MGAM2: variants seen among roughly 807,000 people sequenced by gnomAD.
MGAM2 encodes probable maltase-glucoamylase 2.
Under a neutral mutation model 96.1 loss-of-function variants are expected in MGAM2, and 98 were observed. The observed-to-expected ratio is 1.02, with a 90% CI of 0.87 to 1.21. The LOEUF is 1.21. MGAM2 is among the 50% of genes most tolerant of loss of function. The pLI is 0.00. For synonymous variants in MGAM2, 749 were observed against 414.8 expected, an observed-to-expected ratio of 1.81 and a Z score of -9.79; for missense variants, 2,055 against 1,182.4, an observed-to-expected ratio of 1.74 and a Z score of -10.82.
At position 142,171,986 on chromosome 7, in the gene MGAM2, G is replaced by A. The variant is rs191465093; in HGVS notation, c.3352-112G>A. On this transcript the variant is annotated intron_variant, in intron 28 of 47. Transcript: ENST00000477922. Reference sequence around the variant, plus strand: ...GAGAGTCAATGAAGGCCCAACAAAGGACATGACATTGAGCTGAATCTTTAA... The same window carrying A: ...GAGAGTCAATGAAGGCCCAACAAAGAACATGACATTGAGCTGAATCTTTAA... 2.1e-4 allele frequency: 99 copies of A among 463,804 alleles called. No individual in the cohort carries two copies. In the East Asian group the frequency reaches 3.2e-3, roughly 15 times the overall value. The allele number at this position is 463,804 out of a possible 1,614,324, so 28.7% of individuals were successfully genotyped here.
intron 34 of MGAM2, 140 bp from the exon 35 acceptor site, chr7:142,185,849 T>C (rs1796677651): frequency 1.9e-6 from 1 of 536,840 alleles, no homozygotes; most frequent in East Asian, 2.8e-5. Flanking sequence ...TCTGCTTCTG[T>C]TGTAAACTCT....
chr7:142,121,753 T>C (rs1271275345), intron 3 of MGAM2, among the ~76,000 whole-genome samples: 1 of 151,378 alleles, frequency 6.6e-6, no homozygotes, highest in Admixed American at 6.6e-5. Flanking sequence ...TCTCATATTG[T>C]TTATAAAAAA....
intron 26 of MGAM2, among the ~76,000 whole-genome samples, chr7:142,169,814 C>A (rs1417054806): frequency 6.6e-6 from 1 of 152,162 alleles, no homozygotes; most frequent in Non-Finnish European, 1.5e-5. Context: ...TTATGAAATT[C>A]TATCCCCTTC....
intron 1 of MGAM2, among the ~76,000 whole-genome samples, 157 bp downstream of exon 1, chr7:142,111,964 G>A (rs1469197493): frequency 2.6e-5 from 4 of 151,440 alleles, no homozygotes; most frequent in Admixed American, 6.6e-5. Context: ...AAAATATGAG[G>A]AGTGAGGATG....
At chr7:142,153,827 A>G (rs1028567072) in intron 15 of MGAM2, among the ~76,000 whole-genome samples, 191 bp from the exon 16 acceptor site, 1 of 152,232 alleles carries the variant, frequency 6.6e-6, no homozygotes, top group Non-Finnish European at 1.5e-5. Context: ...ACTGTCTTAT[A>G]TGAGATCTGA....
intron 33 of MGAM2, among the ~76,000 whole-genome samples, chr7:142,184,456 C>T (rs1198487040): frequency 6.6e-6 from 1 of 152,150 alleles, no homozygotes; most frequent in Non-Finnish European, 1.5e-5. Flanking sequence ...TCTGTGAACT[C>T]TTAGGAAACA....
intron 43 of MGAM2, 27 bp downstream of exon 43, chr7:142,198,222 C>T (rs1797111271): frequency 1.4e-6 from 1 of 701,258 alleles, no homozygotes; most frequent in South Asian, 1.5e-5. Context: ...TTGTGAAGAA[C>T]CAGTTTGGTC....
At chr7:142,197,368 G>T in intron 40 of MGAM2, 32 bp from the exon 41 acceptor site, 1 of 699,800 alleles carries the variant, frequency 1.4e-6, no homozygotes, top group East Asian at 2.7e-5. Flanking sequence ...TGAAGAAGAG[G>T]TGATCCATTA....
rs150240210 is a variant in MGAM2 at position 142,122,467 on chromosome 7, T to A, written c.186+2086T>A. Among the ~76,000 whole-genome samples the A allele has an allele frequency of 1.7e-3, 254 of 152,360 alleles. 4 individuals carry two copies. The South Asian group carries it at 0.033, about 20-fold the overall frequency. ...AGCCAAACCATTCTATACCCAAAGA[T>A]ACAGAATGTTACCATCACTTCAGAA... On this transcript the variant is annotated intron_variant, in intron 3 of 47. Coordinates refer to ENST00000477922, the MANE Select transcript of MGAM2 (RefSeq NM_001293626.2).
intron 21 of MGAM2, among the ~76,000 whole-genome samples, chr7:142,160,770 G>A (rs1480437319): frequency 2.6e-5 from 4 of 151,740 alleles, no homozygotes; most frequent in Non-Finnish European, 5.9e-5. Flanking sequence ...GTTTAACTTT[G>A]TAGAGTTATT....
At chr7:142,159,963 G>T (rs1284089578) in intron 20 of MGAM2, among the ~76,000 whole-genome samples, 171 bp from the exon 21 acceptor site, 1 of 152,210 alleles carries the variant, frequency 6.6e-6, no homozygotes, top group African/African-American at 2.4e-5. Flanking sequence ...GGGGATTGGA[G>T]TGTCAGCTCT....
intron 17 of MGAM2, among the ~76,000 whole-genome samples, chr7:142,157,625 C>T (rs892046188): frequency 3.9e-5 from 6 of 152,060 alleles, no homozygotes; most frequent in African/African-American, 1.2e-4. Flanking sequence ...CTCCTGACCT[C>T]GTGATCTGCC....
intron 15 of MGAM2, among the ~76,000 whole-genome samples, chr7:142,149,029 C>A (rs924886096): frequency 6.6e-6 from 1 of 152,026 alleles, no homozygotes; most frequent in Non-Finnish European, 1.5e-5. Context: ...GAGTTTGAGA[C>A]CAGCCTGGCC....
chr7:142,165,129 C>T (rs1237225619), intron 24 of MGAM2, 106 bp downstream of exon 24: 3 of 548,856 alleles, frequency 5.5e-6, no homozygotes, highest in Admixed American at 6.9e-5. Context: ...AACTGACTTG[C>T]TGGGAGGTCC....
rs1466964547 is a variant in MGAM2, at chr7:142,138,655, T to C, written c.1074T>C (p.Ala358=). Residue 358 remains alanine (A), a synonymous_variant, in exon 10 of 48, where the codon GCT becomes GCC. Coordinates refer to ENST00000477922, the MANE Select transcript of MGAM2 (RefSeq NM_001293626.2). ...LKEVVSRNRL[A]EIPYDVQYSD... ...AAGTTGTAAGCCGAAATCGTTTAGC[T>C]GAGATACCATATGTAAGTCGAAACT... 1.4e-6 allele frequency: 1 copy of C among 702,646 alleles called. No individual in the cohort carries two copies. The highest frequency in any genetic ancestry group is 1.7e-5 in the African/African-American group (1 of 57,356). The allele number at this position is 702,646 out of a possible 1,614,324, so 43.5% of individuals were successfully genotyped here.
rs1796422287 is a variant in MGAM2 at position 142,177,826 on chromosome 7, G to A, written c.3816+2046G>A. Reference sequence around the variant, plus strand: ...TGCTATTGCAGATAGTGCTGTGATAGACATAGAAGTACCTGTGTTTTTTGA... The same window carrying A: ...TGCTATTGCAGATAGTGCTGTGATAAACATAGAAGTACCTGTGTTTTTTGA... On this transcript the variant is annotated intron_variant, in intron 32 of 47. Transcript: ENST00000477922. Among the ~76,000 whole-genome samples, 3 of 152,168 alleles carry A rather than the reference G, an allele frequency of 2.0e-5. No homozygotes were observed. In the South Asian group the frequency reaches 6.2e-4, roughly 32 times the overall value.
At chr7:142,189,332 T>G (rs909732681) in intron 36 of MGAM2, 35 bp from the exon 37 acceptor site, 1 of 642,858 alleles carries the variant, frequency 1.6e-6, no homozygotes, top group Non-Finnish European at 2.8e-6. Context: ...GTGCAAATCA[T>G]GTTGTTTAGG....
intron 31 of MGAM2, among the ~76,000 whole-genome samples, chr7:142,174,910 G>T (rs1796323801): frequency 6.6e-6 from 1 of 151,706 alleles, no homozygotes; most frequent in African/African-American, 2.4e-5. Context: ...GTAGGGACGG[G>T]GTTTCACTGT....
intron 47 of MGAM2, 91 bp from the exon 48 acceptor site, chr7:142,219,779 A>C: frequency 1.6e-6 from 1 of 611,488 alleles, no homozygotes; most frequent in South Asian, 2.0e-5. Context: ...TGAATCCATC[A>C]TTTTTTGTTA....
Sources: gnomAD v4.1 joint callset for allele counts (sites outside exome capture counted in the v4.1 genomes callset) on GRCh38, gnomAD v4.1.1 for gene constraint, MANE v1.5 for transcripts, NCBI Gene and HGNC (gene_info 2026-07-23, HGNC 2026-07-21) for gene names.